Variants in ATAD3B observed in about 807,000 individuals in gnomAD.
ATAD3B encodes the protein ATPase family AAA domain containing 3B, also known as ATPase family AAA domain-containing protein 3B.
ATAD3B carries 59 observed loss-of-function variants against 70.2 expected under a neutral mutation model. The ratio of observed to expected loss-of-function variants is 0.84; its 90% CI spans 0.68 to 1.04. The LOEUF (loss-of-function observed/expected upper bound fraction) is 1.04, where lower values mean the gene tolerates loss of function less well. ATAD3B is among the 50% of genes least tolerant of loss of function. The pLI is 0.00. For synonymous variants in ATAD3B, 423 were observed against 388.6 expected, an observed-to-expected ratio of 1.09 and a Z score of -1.04; for missense variants, 961 against 913.4, an observed-to-expected ratio of 1.05 and a Z score of -0.67.
At position 1,482,310 on chromosome 1, in the gene ATAD3B, A is replaced by G. The variant is rs1446423172; in HGVS notation, c.680+7A>G. The G allele has an allele frequency of 1.0e-5, 16 of 1,577,498 alleles. No individual in the cohort carries two copies. Among genetic ancestry groups the G allele is most frequent in the Non-Finnish European group, 1.4e-5 (16 of 1,170,536 alleles). On this transcript the variant is annotated splice_region_variant and intron_variant, in intron 6 of 15. Transcript: ENST00000673477. ...CCGTCTTGGAGTCCATCAGGTGAGC[A>G]CTGCCCAGGCCCGGGCCGGCCACAG...
rs1639957695 is a variant in ATAD3B at position 1,482,303 on chromosome 1, G to T, written c.680G>T (p.Arg227Met). 6.3e-7 allele frequency: 1 copy of T among 1,596,360 alleles called. No individual in the cohort carries two copies. The highest frequency in any genetic ancestry group is 1.5e-5 in the African/African-American group (1 of 67,478). ...EHRQTVLESIRTAGTLFGEGF... is the reference protein window; with the variant it reads ...EHRQTVLESIMTAGTLFGEGF... Reference sequence around the variant, plus strand: ...CGTCAGACCGTCTTGGAGTCCATCAGGTGAGCACTGCCCAGGCCCGGGCCG... The same window carrying T: ...CGTCAGACCGTCTTGGAGTCCATCATGTGAGCACTGCCCAGGCCCGGGCCG... The change falls in exon 6 of 16, where the codon AGG becomes ATG. Residue 227 changes from arginine (R) to methionine (M), a missense_variant and splice_region_variant. Transcript: ENST00000673477.
chr1:1,477,259 C>T lies in ATAD3B; in HGVS notation c.206-15C>T. The T allele has an allele frequency of 6.2e-7, 1 of 1,612,054 alleles. No homozygotes were observed. Among genetic ancestry groups the T allele is most frequent in the Non-Finnish European group, 8.5e-7 (1 of 1,179,482 alleles). ...TGTATCCTACACCTGCTCTCCGTGC[C>T]ACATGCGCCCGCAGGTTACGCCAAG... On this transcript the variant is annotated splice_polypyrimidine_tract_variant and intron_variant, in intron 1 of 15. Coordinates refer to ENST00000673477, the MANE Select transcript of ATAD3B (RefSeq NM_031921.6).
intron 15 of ATAD3B, 31 bp downstream of exon 15, chr1:1,490,702 C>T (rs1421460380): frequency 3.0e-5 from 47 of 1,550,102 alleles, no homozygotes; most frequent in East Asian, 7.2e-5. Flanking sequence ...TCCACCCAGA[C>T]GGGACCCCAG....
At chr1:1,492,994 C>A (rs1440258501) in intron 15 of ATAD3B, among the ~76,000 whole-genome samples, 2 of 151,638 alleles carry the variant, frequency 1.3e-5, no homozygotes, top group African/African-American at 4.8e-5. Flanking sequence ...ACCTGTAATC[C>A]CAGCTGCTCG....
intron 5 of ATAD3B, among the ~76,000 whole-genome samples, chr1:1,481,508 G>A (rs2100549878): frequency 1.8e-5 from 1 of 55,178 alleles, no homozygotes; most frequent in East Asian, 3.8e-4. Flanking sequence ...GGTTTCAGTG[G>A]GGATCACAGG....
chr1:1,505,587 C>G, the ATAD3B span, among the ~76,000 whole-genome samples: 1 of 152,146 alleles, frequency 6.6e-6, no homozygotes, highest in East Asian at 1.9e-4. Context: ...ACCGCTAGAC[C>G]ACGGTCTGCT....
the ATAD3B span, among the ~76,000 whole-genome samples, chr1:1,507,822 C>T: frequency 1.3e-5 from 2 of 152,234 alleles, no homozygotes; most frequent in African/African-American, 2.4e-5. Context: ...TCAACTTTTA[C>T]AGCTTGGAGA....
In ATAD3B at chr1:1,482,601, A is replaced by C; in HGVS notation, c.737A>C (p.Lys246Thr). Residue 246 changes from lysine (K) to threonine (T), a missense_variant, in exon 7 of 16, where the codon AAA becomes ACA. Coordinates refer to ENST00000673477, the MANE Select transcript of ATAD3B (RefSeq NM_031921.6). Reference protein sequence around the residue: ...GFRAFVTDRDKVTATVAGLTL... With the variant: ...GFRAFVTDRDTVTATVAGLTL... Reference sequence around the variant, plus strand: ...CGTGCCTTTGTGACAGACCGGGACAAAGTGACAGCCACGGTAAACATATTC... The same window carrying C: ...CGTGCCTTTGTGACAGACCGGGACACAGTGACAGCCACGGTAAACATATTC... The C allele has an allele frequency of 6.2e-7, 1 of 1,613,336 alleles. No individual in the cohort carries two copies. The highest frequency in any genetic ancestry group is 8.5e-7 in the Non-Finnish European group (1 of 1,179,542).
chr1:1,483,288 G>A (rs1020101737), intron 7 of ATAD3B, among the ~76,000 whole-genome samples: 4 of 151,778 alleles, frequency 2.6e-5, no homozygotes, highest in African/African-American at 9.7e-5. Context: ...CCAACATGGT[G>A]AAACCCCATC....
chr1:1,486,222 C>T lies in ATAD3B; in HGVS notation c.1076C>T (p.Thr359Met), dbSNP rs752026914. 22 of 1,612,862 alleles carry T rather than the reference C, an allele frequency of 1.4e-5. No individual in the cohort carries two copies. The African/African-American group carries it at 1.5e-4, about 11-fold the overall frequency. The change falls in exon 10 of 16, where the codon ACG becomes ATG. Residue 359 changes from threonine to methionine, a missense_variant. By Grantham distance (81) the Thr-to-Met change is moderately conservative (BLOSUM62 -1). Around this residue, in one of 4 missense-constraint regions of ATAD3B, gnomAD observed 349 missense variants for 307.5 expected, o/e 1.14. Coordinates refer to ENST00000673477, the MANE Select transcript of ATAD3B (RefSeq NM_031921.6). ...TATGGGCCACCAGGCACCGGGAAGA[C>T]GCTGTTTGCCAAGGTGAGAGCGCCT... ...LLYGPPGTGK[T>M]LFAKKLALHS...
At position 1,480,853 on chromosome 1, in the gene ATAD3B, C is replaced by G. The variant is rs775963010; in HGVS notation, c.445-14C>G. 2.5e-6 allele frequency: 4 copies of G among 1,593,134 alleles called. 1 individual carries two copies. Among genetic ancestry groups the G allele is most frequent in the Non-Finnish European group, 1.7e-6 (2 of 1,171,500 alleles). On this transcript the variant is annotated splice_polypyrimidine_tract_variant and intron_variant, in intron 4 of 15. Coordinates refer to ENST00000673477, the MANE Select transcript of ATAD3B (RefSeq NM_031921.6). ...TTTTAAAGGCTTTTCTCTTTTTCTG[C>G]GGCTTCTTCTCAGCAACTTCTCAAT...
In ATAD3B at chr1:1,481,805, G is replaced by A. The variant is rs112570066; in HGVS notation, c.515-333G>A. On this transcript the variant is annotated intron_variant, in intron 5 of 15. Coordinates refer to ENST00000673477, the MANE Select transcript of ATAD3B (RefSeq NM_031921.6). ...TCCATGGGCAGGGCCGGCCTGTGGC[G>A]CTGTCCCTACCAAGGTCTGTGTGTG... Among the ~76,000 whole-genome samples, 1,410 of 152,080 alleles carry A rather than the reference G, an allele frequency of 9.3e-3. 36 individuals carry two copies. Among genetic ancestry groups the A allele is most frequent in the Admixed American group, 0.035 (536 of 15,254 alleles).
intron 15 of ATAD3B, among the ~76,000 whole-genome samples, chr1:1,492,413 G>A (rs1412788152): frequency 6.6e-6 from 1 of 151,806 alleles, no homozygotes; most frequent in Admixed American, 6.6e-5. Flanking sequence ...TTGAACCCAC[G>A]AGGCAGAGGA....
rs1319588084 is a variant in ATAD3B at position 1,489,424 on chromosome 1, C to T, written c.1337+150C>T. 1.1e-4 allele frequency: 153 copies of T among 1,351,194 alleles called. 1 individual carries two copies. Among genetic ancestry groups the T allele is most frequent in the Non-Finnish European group, 1.5e-4 (144 of 988,264 alleles). The allele number at this position is 1,351,194 out of a possible 1,614,324, so 83.7% of individuals were successfully genotyped here. On this transcript the variant is annotated intron_variant, in intron 13 of 15. Transcript: ENST00000673477. ...GATGTCCCCTGGGAACGGCCCAGCT[C>T]GGGACAGCACGGGGTGTCATTGAGG...
At chr1:1,482,786 G>A in intron 7 of ATAD3B, 172 bp downstream of exon 7, 10 of 1,103,650 alleles carry the variant, frequency 9.1e-6, no homozygotes, top group South Asian at 1.5e-5. Context: ...TCCTTGAGCT[G>A]GGAGAAAAAA....
At position 1,482,111 on chromosome 1, in the gene ATAD3B, C is replaced by G. The variant is rs781014176; in HGVS notation, c.515-27C>G. The G allele has an allele frequency of 3.7e-5, 59 of 1,598,614 alleles. No homozygotes were observed. In the African/African-American group the frequency reaches 7.9e-4, roughly 21 times the overall value. ...GGTGGACGTGCTGCACTGCATGGTG[C>G]TGAGCTGCCCTGCCTCTCTGGGGCA... On this transcript the variant is annotated intron_variant, in intron 5 of 15. Coordinates refer to ENST00000673477, the MANE Select transcript of ATAD3B (RefSeq NM_031921.6).
chr1:1,482,713 C>T (rs1639986266), intron 7 of ATAD3B, 99 bp downstream of exon 7: 1 of 1,575,256 alleles, frequency 6.3e-7, no homozygotes, highest in African/African-American at 1.3e-5. Flanking sequence ...TCTGCACAGC[C>T]CTGTAGCTCT....
chr1:1,492,562 G>A (rs535774724), intron 15 of ATAD3B, among the ~76,000 whole-genome samples: 10 of 151,630 alleles, frequency 6.6e-5, no homozygotes, highest in Admixed American at 2.6e-4. Flanking sequence ...TTGGGAGGCC[G>A]AGGTGTTGGA....
the ATAD3B span, chr1:1,509,140 C>T: frequency 6.4e-7 from 1 of 1,572,454 alleles, no homozygotes; most frequent in Non-Finnish European, 8.6e-7. Context: ...CCTCGGGGCC[C>T]TGGCGTGCAT....
Sources: gnomAD v4.1 joint callset for allele counts (sites outside exome capture counted in the v4.1 genomes callset) on GRCh38, gnomAD v4.1.1 for gene constraint, gnomAD v4.1.1 regional missense constraint, MANE v1.5 for transcripts, NCBI Gene and HGNC (gene_info 2026-07-23, HGNC 2026-07-21) for gene names.